Variants in RMP24 observed in about 807,000 individuals in gnomAD.
RMP24 encodes the protein ribonuclease MRP subunit p24, also known as ribonuclease MRP protein subunit p24.
At chr18:35,973,244 C>CTCAG in the RMP24 span, 2 of 449,496 alleles carry the variant, frequency 4.4e-6, no homozygotes, top group Non-Finnish European at 8.2e-6. Flanking sequence ...TGGCCCAGTA[C>CTCAG]TCAGCCCTTG....
chr18:35,974,186 T>C, the RMP24 span, among the ~76,000 whole-genome samples: 6 of 152,216 alleles, frequency 3.9e-5, no homozygotes, highest in Non-Finnish European at 8.8e-5. Context: ...TCAATGAAGC[T>C]TTCCCTAGCC....
At chr18:35,975,154 A>G in the RMP24 span, 40 of 1,434,040 alleles carry the variant, frequency 2.8e-5, no homozygotes, top group East Asian at 9.0e-4. Context: ...TTTCACTTAA[A>G]ATCAGTTTAA....
At chr18:35,973,323 C>G in the RMP24 span, 1 of 286,616 alleles carries the variant, frequency 3.5e-6, no homozygotes, top group East Asian at 7.6e-5. Flanking sequence ...CTTTTAAATA[C>G]CATATACTGA....
chr18:35,974,031 C>T, the RMP24 span: 2 of 152,310 alleles, frequency 1.3e-5, no homozygotes, highest in African/African-American at 4.8e-5. Flanking sequence ...GTACTCTTTC[C>T]TTCACGCAAC....
At chr18:35,974,959 C>T in the RMP24 span, 4 of 1,614,020 alleles carry the variant, frequency 2.5e-6, no homozygotes. Flanking sequence ...CTGGATAACT[C>T]TCGAGTGCGT....
chr18:35,972,871 T>G, the RMP24 span: 5 of 1,614,040 alleles, frequency 3.1e-6, no homozygotes, highest in South Asian at 5.5e-5. Context: ...CACAAGTCTC[T>G]TTCTCTTTTA....
the RMP24 span, among the ~76,000 whole-genome samples, chr18:35,974,432 T>C: frequency 6.6e-6 from 1 of 152,254 alleles, no homozygotes; most frequent in Admixed American, 6.5e-5. Context: ...GTGTGGTCTT[T>C]AGCTTTATAA....
At chr18:35,976,142 T>G in the RMP24 span, among the ~76,000 whole-genome samples, 1 of 78,334 alleles carries the variant, frequency 1.3e-5, no homozygotes, top group Non-Finnish European at 2.6e-5. Flanking sequence ...TTTCTGATTT[T>G]TTTTTTTTTT....
the RMP24 span, chr18:35,973,648 C>G: frequency 6.6e-6 from 1 of 152,270 alleles, no homozygotes; most frequent in Non-Finnish European, 1.5e-5. Context: ...CAGCCAGGAG[C>G]GGTGGCTCAC....
At chr18:35,977,527 C>T in the RMP24 span, 291 of 1,614,124 alleles carry the variant, frequency 1.8e-4, 1 homozygote, top group African/African-American at 3.5e-3. Flanking sequence ...CCTGAAGACA[C>T]CAGAGAGAAG....
chr18:35,977,115 TGGGAGGCTGA>T, the RMP24 span, among the ~76,000 whole-genome samples: 2 of 151,640 alleles, frequency 1.3e-5, no homozygotes, highest in African/African-American at 2.4e-5. Flanking sequence ...CTCAGCTACA[TGGGAGGCTGA>T]GGCAGGAGGA....
chr18:35,977,678 C>A, the RMP24 span: 1 of 1,419,434 alleles, frequency 7.0e-7, no homozygotes, highest in South Asian at 1.4e-5. Context: ...TATATACTCC[C>A]TAAATATGCC....
chr18:35,972,922 T>C, the RMP24 span: 1 of 1,614,060 alleles, frequency 6.2e-7, no homozygotes, highest in African/African-American at 1.3e-5. Flanking sequence ...GAAGAACGCC[T>C]GTCTCTTGTG....
At chr18:35,972,816 T>TGGAGGGGAAGCG in the RMP24 span, 1 of 1,614,066 alleles carries the variant, frequency 6.2e-7, no homozygotes, top group Non-Finnish European at 8.5e-7. Context: ...GTAAGAGGAC[T>TGGAGGGGAAGCG]GGAGGGGAAG....
chr18:35,977,383 G>A, the RMP24 span: 16 of 1,584,922 alleles, frequency 1.0e-5, no homozygotes, highest in Non-Finnish European at 1.3e-5. Context: ...TAAATGACGG[G>A]ACTGATATTT....
At chr18:35,976,100 A>C in the RMP24 span, among the ~76,000 whole-genome samples, 1 of 151,240 alleles carries the variant, frequency 6.6e-6, no homozygotes, top group East Asian at 1.9e-4. Context: ...TTTAATCAGA[A>C]GTCAGCTAGA....
At chr18:35,977,809 C>G in the RMP24 span, among the ~76,000 whole-genome samples, 1 of 152,170 alleles carries the variant, frequency 6.6e-6, no homozygotes, top group Non-Finnish European at 1.5e-5. Flanking sequence ...CTTCCAACAT[C>G]TCCTGTGCCT....
the RMP24 span, chr18:35,977,445 A>G: frequency 1.9e-6 from 3 of 1,613,886 alleles, no homozygotes; most frequent in East Asian, 4.5e-5. Flanking sequence ...GAACAGTGAA[A>G]CATCATGGTA....
the RMP24 span, among the ~76,000 whole-genome samples, chr18:35,976,000 T>C: frequency 6.6e-6 from 1 of 152,178 alleles, no homozygotes; most frequent in South Asian, 2.1e-4. Flanking sequence ...CTGCCACATA[T>C]TTGGAAAATG....
Sources: allele counts gnomAD v4.1 joint callset (sites outside exome capture counted in the v4.1 genomes callset), GRCh38; gene constraint gnomAD v4.1.1; transcripts MANE v1.5; gene names NCBI Gene and HGNC (gene_info 2026-07-23, HGNC 2026-07-21).